Variants in ABLIM2 observed in about 807,000 individuals in gnomAD.
The protein encoded by ABLIM2 is actin binding LIM protein family member 2, also known as actin-binding LIM protein 2.
In ABLIM2, 53 loss-of-function variants were observed where a neutral mutation model predicts 97.7. That is an observed-to-expected ratio of 0.54 (90% CI 0.44 to 0.68). The LOEUF (loss-of-function observed/expected upper bound fraction) is 0.68. Among genes scored for constraint, ABLIM2 ranks in the 30% least tolerant of loss-of-function variants. The pLI is 0.00. For synonymous variants in ABLIM2, 361 were observed against 345.8 expected, an observed-to-expected ratio of 1.04 and a Z score of -0.49; for missense variants, 835 against 867.2, an observed-to-expected ratio of 0.96 and a Z score of 0.47.
Position 8,127,068 on chromosome 4 carries a change from G to GAAA in ABLIM2, c.11-20434_11-20432dup, listed in dbSNP as rs534244270. On this transcript the variant is annotated intron_variant, in intron 1 of 20. Coordinates refer to ENST00000447017, the MANE Select transcript of ABLIM2 (RefSeq NM_001130083.2). This position sits in a 1 kb window ranked among gnomAD's most constrained non-coding sequence, Gnocchi z 7.3. The stretch of plus-strand genomic sequence containing the variant: ...GTGACAGAGTGAGTCCCTGCCTCCA[G>GAAA]AAAAAAAAAAAAAAAATGCCTGCAG... Among the ~76,000 whole-genome samples, 3 of 116,084 alleles carry GAAA rather than the reference G, an allele frequency of 2.6e-5. No homozygotes were observed. Among genetic ancestry groups the GAAA allele is most frequent in the Admixed American group, 9.0e-5 (1 of 11,126 alleles). 76.2% of individuals were successfully genotyped at this position (116,084 alleles called of 152,430 possible). A position where few individuals can be genotyped will look rare whatever the true frequency, so the allele number is the denominator to read the frequency against.
chr4:8,060,322 G>C (rs1802165631), intron 7 of ABLIM2, among the ~76,000 whole-genome samples: 1 of 152,186 alleles, frequency 6.6e-6, no homozygotes, highest in South Asian at 2.1e-4. Flanking sequence ...AGGTCTGGCA[G>C]CCCACAGGAC....
chr4:8,154,786 T>G (rs915013850), intron 1 of ABLIM2, among the ~76,000 whole-genome samples: 1 of 152,214 alleles, frequency 6.6e-6, no homozygotes, highest in East Asian at 1.9e-4. Context: ...TATTAGTCTG[T>G]TCTCATGCTG....
At chr4:8,105,228 G>A (rs1405664801) in intron 2 of ABLIM2, among the ~76,000 whole-genome samples, 7 of 152,146 alleles carry the variant, frequency 4.6e-5, no homozygotes, top group East Asian at 1.9e-4. Flanking sequence ...CCTCCTCTGC[G>A]AAGTCCTTTC....
chr4:8,084,041 G>A (rs531839797), intron 4 of ABLIM2, among the ~76,000 whole-genome samples: 1 of 152,002 alleles, frequency 6.6e-6, no homozygotes, highest in Admixed American at 6.6e-5. Flanking sequence ...GGTCAGGGGA[G>A]TAGGGGGGAG....
Position 8,002,798 on chromosome 4 carries a change from C to T in ABLIM2, c.1618+5261G>A, listed in dbSNP as rs75769776. On this transcript the variant is annotated intron_variant, in intron 16 of 20. Coordinates refer to ENST00000447017, the MANE Select transcript of ABLIM2 (RefSeq NM_001130083.2). The surrounding 1 kb of genome is among the most constrained non-coding windows in gnomAD (Gnocchi z 6.1). ...TGGCCCTCACTGTTCTTCCAACCCA[C>T]GGCCCGGCCTCCGCCCTGGGTGATG... is the stretch of plus-strand genomic sequence containing the variant. Among the ~76,000 whole-genome samples, 4,195 of 152,284 alleles carry T rather than the reference C, an allele frequency of 0.028. 198 individuals are homozygous for T. The highest frequency in any genetic ancestry group is 0.095 in the African/African-American group (3,957 of 41,550).
At chr4:8,078,767 T>C (rs1817900834) in intron 5 of ABLIM2, among the ~76,000 whole-genome samples, 1 of 152,172 alleles carries the variant, frequency 6.6e-6, no homozygotes, top group South Asian at 2.1e-4. Flanking sequence ...TAAGGACTAA[T>C]GAAGAGAATG....
chr4:8,097,329 T>C (rs1174380774), intron 2 of ABLIM2, 47 bp from the exon 3 acceptor site: 1 of 1,544,558 alleles, frequency 6.5e-7, no homozygotes, highest in Admixed American at 2.0e-5. Context: ...GGGGACCATC[T>C]CCACGTCCCC....
intron 12 of ABLIM2, among the ~76,000 whole-genome samples, chr4:8,025,239 C>A (rs966852901): frequency 1.3e-5 from 2 of 152,188 alleles, no homozygotes; most frequent in East Asian, 1.9e-4. Context: ...CATGTGATTT[C>A]TGAACGAAGG....
At chr4:8,099,957 C>T (rs1348076098) in intron 2 of ABLIM2, among the ~76,000 whole-genome samples, 1 of 152,198 alleles carries the variant, frequency 6.6e-6, no homozygotes, top group Non-Finnish European at 1.5e-5. Context: ...ACACATTGTT[C>T]TTATATTGCA....
chr4:8,069,808 C>T lies in ABLIM2; in HGVS notation c.675+7820G>A, dbSNP rs1028071415. 1.3e-5 allele frequency among the ~76,000 whole-genome samples: 2 copies of T among 151,380 alleles called. No homozygotes were observed. The highest frequency in any genetic ancestry group is 1.3e-4 in the Admixed American group (2 of 15,210). ...TGTCTCTCCGTGTGCTTGTGTGTCTCTATGTGTTGTCTGTGTGTACGTGTC... is the reference window on the plus strand; with the variant it reads ...TGTCTCTCCGTGTGCTTGTGTGTCTTTATGTGTTGTCTGTGTGTACGTGTC... On this transcript the variant is annotated intron_variant, in intron 6 of 20. Transcript: ENST00000447017. The surrounding 1 kb of genome is among the most constrained non-coding windows in gnomAD (Gnocchi z 4.2).
intron 1 of ABLIM2, among the ~76,000 whole-genome samples, chr4:8,117,773 G>A (rs763572886): frequency 2.0e-5 from 3 of 152,008 alleles, no homozygotes; most frequent in African/African-American, 4.8e-5. Flanking sequence ...AGCCAGCTCC[G>A]CTTACTCTAA....
At chr4:7,975,499 G>C (rs1176824081) in intron 20 of ABLIM2, among the ~76,000 whole-genome samples, 1 of 152,120 alleles carries the variant, frequency 6.6e-6, no homozygotes, top group Non-Finnish European at 1.5e-5. Flanking sequence ...CTGCTGCGTG[G>C]CTGGACATCC....
At chr4:8,049,636 T>C (rs1794732489) in intron 8 of ABLIM2, among the ~76,000 whole-genome samples, 1 of 152,354 alleles carries the variant, frequency 6.6e-6, no homozygotes, top group South Asian at 2.1e-4. Context: ...GCCTGCTACC[T>C]GGCAGCTTCA....
chr4:8,116,644 A>G (rs1012102821), intron 1 of ABLIM2, among the ~76,000 whole-genome samples: 5 of 152,242 alleles, frequency 3.3e-5, no homozygotes, highest in East Asian at 1.9e-4. Flanking sequence ...AGGCTGCTAG[A>G]AAGTGTTACA....
In ABLIM2 at chr4:8,150,177, C is replaced by A. The variant is rs1712155430; in HGVS notation, c.10+8503G>T. ...TCCTTGGAATTCTTCCTTCTGGGCACTTCGTGTCCAGCTGCAGCATCAACT... is the reference window on the plus strand; with the variant it reads ...TCCTTGGAATTCTTCCTTCTGGGCAATTCGTGTCCAGCTGCAGCATCAACT... On this transcript the variant is annotated intron_variant, in intron 1 of 20. Transcript: ENST00000447017. This position sits in a 1 kb window ranked among gnomAD's most constrained non-coding sequence, Gnocchi z 6.3. Among the ~76,000 whole-genome samples the A allele has an allele frequency of 2.0e-5, 3 of 152,338 alleles. No individual in the cohort carries two copies. Among genetic ancestry groups the A allele is most frequent in the Admixed American group, 2.0e-4 (3 of 15,308 alleles).
chr4:8,051,524 A>G (rs1431283172), intron 8 of ABLIM2, among the ~76,000 whole-genome samples: 1 of 147,328 alleles, frequency 6.8e-6, no homozygotes, highest in Non-Finnish European at 1.5e-5. Context: ...GCCACTGGCC[A>G]CTGCACTCCA....
rs899260174 is a variant in ABLIM2, at chr4:8,044,434, T to C, written c.900+730A>G. 2.0e-5 allele frequency among the ~76,000 whole-genome samples: 3 copies of C among 151,914 alleles called. No homozygotes were observed. The highest frequency in any genetic ancestry group is 1.5e-5 in the Non-Finnish European group (1 of 68,008). On this transcript the variant is annotated intron_variant, in intron 9 of 20. Transcript: ENST00000447017. This position sits in a 1 kb window ranked among gnomAD's most constrained non-coding sequence, Gnocchi z 4.4. ...ATATTAGCAAACATTAAATACAATA[T>C]TAAATATTAAATTTACATATACATA...
intron 10 of ABLIM2, among the ~76,000 whole-genome samples, chr4:8,030,945 C>T (rs1301990865): frequency 6.6e-6 from 1 of 152,250 alleles, no homozygotes; most frequent in East Asian, 1.9e-4. Flanking sequence ...AAGGCCCACA[C>T]TTGCCCTGTT....
In ABLIM2 at chr4:8,118,982, G is replaced by A. The variant is rs1348533182; in HGVS notation, c.11-12345C>T. Among the ~76,000 whole-genome samples the A allele has an allele frequency of 5.9e-5, 9 of 152,132 alleles. No homozygotes were observed. In the East Asian group the frequency reaches 1.7e-3, roughly 29 times the overall value. ...AGGGGATCTGTCTGTTGTCCACCTG[G>A]GCCCACTGATGGGGTGACCTTGAGC... On this transcript the variant is annotated intron_variant, in intron 1 of 20. Transcript: ENST00000447017.
Sources: allele counts gnomAD v4.1 joint callset (sites outside exome capture counted in the v4.1 genomes callset), GRCh38; gene constraint gnomAD v4.1.1; non-coding constraint Gnocchi (gnomAD v3.1); transcripts MANE v1.5; gene names NCBI Gene and HGNC (gene_info 2026-07-23, HGNC 2026-07-21).